Variants in TUBGCP3 observed in about 807,000 individuals in gnomAD.
TUBGCP3 encodes tubulin gamma complex component 3.
Under a neutral mutation model 123.1 loss-of-function variants are expected in TUBGCP3, and 50 were observed. The ratio of observed to expected loss-of-function variants is 0.41; its 90% CI spans 0.32 to 0.51. The LOEUF is 0.51. Ranked by LOEUF, TUBGCP3 falls within the 20% of genes least tolerant of loss-of-function variation. The pLI, the probability that TUBGCP3 is intolerant of heterozygous loss-of-function variation, is 0.36. For synonymous variants in TUBGCP3, 405 were observed against 413.9 expected (o/e 0.98, Z 0.26); for missense variants, 882 against 1,127.0 (o/e 0.78, Z 3.11).
intron 11 of TUBGCP3, among the ~76,000 whole-genome samples, chr13:112,540,073 T>C (rs1878387829): frequency 6.8e-6 from 1 of 146,378 alleles, no homozygotes; most frequent in Admixed American, 6.9e-5. Flanking sequence ...CACCTGGGAA[T>C]GAGGACGTCA....
At chr13:112,576,564 T>C (rs1881827637) in intron 1 of TUBGCP3, among the ~76,000 whole-genome samples, 1 of 152,220 alleles carries the variant, frequency 6.6e-6, no homozygotes, top group Admixed American at 6.5e-5. Flanking sequence ...AGCTTCACTG[T>C]GGTAATCATT....
Position 112,516,528 on chromosome 13 carries a change from GAAGTTAA to G in TUBGCP3, c.1991_1997del (p.Phe664SerfsTer26). ...ATTCCATCCGCTTCGCCCTCCAGAG[GAAGTTAA>G]ATACTCTTAGGTAGTGGCTCATACA... On this transcript the variant is annotated frameshift_variant, in exon 17 of 22. Transcript: ENST00000261965. LOFTEE classifies it high-confidence loss of function. 6.2e-7 allele frequency: 1 copy of G among 1,614,114 alleles called. No individual in the cohort carries two copies. The highest frequency in any genetic ancestry group is 8.5e-7 in the Non-Finnish European group (1 of 1,180,030).
rs1007919723 is a variant in TUBGCP3 at position 112,582,984 on chromosome 13, C to T, written c.76+4921G>A. Among the ~76,000 whole-genome samples the T allele has an allele frequency of 2.6e-5, 4 of 152,152 alleles. No homozygotes were observed. In the East Asian group the frequency reaches 5.8e-4, roughly 22 times the overall value. ...TCTCTATCGAGCACACAGAGAAATT[C>T]GCCATCAAATTCAACACTTAAAAGC... On this transcript the variant is annotated intron_variant, in intron 1 of 21. Coordinates refer to ENST00000261965, the MANE Select transcript of TUBGCP3 (RefSeq NM_006322.6).
chr13:112,553,946 G>A, intron 8 of TUBGCP3, 111 bp downstream of exon 8: 1 of 1,499,182 alleles, frequency 6.7e-7, no homozygotes, highest in African/African-American at 1.4e-5. Context: ...TCTCAAAGCT[G>A]CTTTACTTGG....
intron 20 of TUBGCP3, 42 bp from the exon 21 acceptor site, chr13:112,489,739 GA>G (rs1323038342): frequency 2.0e-6 from 3 of 1,531,736 alleles, no homozygotes; most frequent in Non-Finnish European, 2.7e-6. Flanking sequence ...AATCACGATG[GA>G]AAACAGATTA....
At chr13:112,542,262 A>G (rs140447138) in intron 11 of TUBGCP3, among the ~76,000 whole-genome samples, 36 of 152,366 alleles carry the variant, frequency 2.4e-4, no homozygotes, top group African/African-American at 7.5e-4. Context: ...AACTTGGCTT[A>G]TTGTGATAAT....
chr13:112,591,229 C>T (rs1306620361), upstream of TUBGCP3, among the ~76,000 whole-genome samples: 1 of 152,210 alleles, frequency 6.6e-6, no homozygotes, highest in Non-Finnish European at 1.5e-5. Context: ...ACCTGCCACC[C>T]ATGCAAGGAA....
chr13:112,545,637 C>A lies in TUBGCP3; in HGVS notation c.1335+62G>T. On this transcript the variant is annotated intron_variant, in intron 11 of 21. Transcript: ENST00000261965. This position sits in a 1 kb window ranked among gnomAD's most constrained non-coding sequence, Gnocchi z 4.1. Reference sequence around the variant, plus strand: ...GGTAATCATGAGGGGAAAAATGAAACAGCATAACTGCGTGCCCATGCTTTT... The same window carrying A: ...GGTAATCATGAGGGGAAAAATGAAAAAGCATAACTGCGTGCCCATGCTTTT... 1 of 1,573,384 alleles carries A rather than the reference C, an allele frequency of 6.4e-7. No individual in the cohort carries two copies. Among genetic ancestry groups the A allele is most frequent in the Non-Finnish European group, 8.7e-7 (1 of 1,146,724 alleles).
chr13:112,532,559 A>C (rs1877669046), intron 11 of TUBGCP3, among the ~76,000 whole-genome samples: 3 of 152,202 alleles, frequency 2.0e-5, no homozygotes, highest in Admixed American at 6.5e-5. Context: ...TCTGCCTCTA[A>C]CTTGAATATA....
chr13:112,519,477 C>A lies in TUBGCP3; in HGVS notation c.1881+409G>T, dbSNP rs1876432174. ...CACCCTTAAGAAAAGTCATGTCCTA[C>A]CAAACTGCAACTAAAAGCATCCATT... is the stretch of plus-strand genomic sequence containing the variant. On this transcript the variant is annotated intron_variant, in intron 15 of 21. Coordinates refer to ENST00000261965, the MANE Select transcript of TUBGCP3 (RefSeq NM_006322.6). The surrounding 1 kb of genome is among the most constrained non-coding windows in gnomAD (Gnocchi z 6.2). 6.6e-6 allele frequency among the ~76,000 whole-genome samples: 1 copy of A among 152,314 alleles called. No individual in the cohort carries two copies. The highest frequency in any genetic ancestry group is 6.5e-5 in the Admixed American group (1 of 15,298).
intron 1 of TUBGCP3, among the ~76,000 whole-genome samples, chr13:112,584,847 A>G (rs1326757060): frequency 6.6e-6 from 1 of 152,278 alleles, no homozygotes; most frequent in Non-Finnish European, 1.5e-5. Context: ...ACGCAAAGAC[A>G]TAATAAATAA....
chr13:112,594,977 T>A, the TUBGCP3 span, among the ~76,000 whole-genome samples: 1 of 152,218 alleles, frequency 6.6e-6, no homozygotes, highest in Non-Finnish European at 1.5e-5. Flanking sequence ...AAGTGGTATA[T>A]CTTTTTATAT....
At chr13:112,598,155 C>T in the TUBGCP3 span, among the ~76,000 whole-genome samples, 1 of 151,980 alleles carries the variant, frequency 6.6e-6, no homozygotes, top group Non-Finnish European at 1.5e-5. Flanking sequence ...AATTATATTT[C>T]CAAGTGCAGA....
At chr13:112,562,129 C>T (rs571035157) in intron 3 of TUBGCP3, among the ~76,000 whole-genome samples, 35 of 150,574 alleles carry the variant, frequency 2.3e-4, no homozygotes, top group African/African-American at 6.6e-4. Flanking sequence ...CAGCCAGGAC[C>T]CAATAGGGAA....
chr13:112,574,357 C>T (rs1190943593), intron 1 of TUBGCP3, among the ~76,000 whole-genome samples: 2 of 142,874 alleles, frequency 1.4e-5, no homozygotes, highest in East Asian at 4.3e-4. Context: ...AGAGAATCTT[C>T]AAGTGGGCAC....
At chr13:112,503,472 T>C (rs139471884) in intron 19 of TUBGCP3, among the ~76,000 whole-genome samples, 431 of 152,128 alleles carry the variant, frequency 2.8e-3, no homozygotes, top group African/African-American at 9.7e-3. Flanking sequence ...CGGGTTGAAG[T>C]GATTCTCCTG....
intron 21 of TUBGCP3, among the ~76,000 whole-genome samples, 186 bp downstream of exon 21, chr13:112,489,395 C>T (rs775652548): frequency 1.3e-5 from 2 of 152,258 alleles, no homozygotes; most frequent in Non-Finnish European, 2.9e-5. Flanking sequence ...ACTGGCACTG[C>T]CCGGAGCCCA....
intron 13 of TUBGCP3, among the ~76,000 whole-genome samples, 154 bp from the exon 14 acceptor site, chr13:112,522,663 A>G (rs1003799558): frequency 6.6e-6 from 1 of 152,218 alleles, no homozygotes; most frequent in African/African-American, 2.4e-5. Flanking sequence ...GACATTCCAC[A>G]AAGGAGACCA....
At chr13:112,517,948 G>A (rs1474429150) in intron 16 of TUBGCP3, among the ~76,000 whole-genome samples, 1 of 152,006 alleles carries the variant, frequency 6.6e-6, no homozygotes, top group Non-Finnish European at 1.5e-5. Context: ...TTTTTGCATT[G>A]TAACTATTTT....
Sources: allele counts gnomAD v4.1 joint callset (sites outside exome capture counted in the v4.1 genomes callset), GRCh38; gene constraint gnomAD v4.1.1; non-coding constraint Gnocchi (gnomAD v3.1); transcripts MANE v1.5; gene names NCBI Gene and HGNC (gene_info 2026-07-23, HGNC 2026-07-21).